The following PDE6A variants were observed in gnomAD, a reference collection of about 807,000 sequenced individuals.
PDE6A encodes rod cGMP-specific 3',5'-cyclic phosphodiesterase subunit alpha.
In PDE6A, 84 loss-of-function variants were observed where a neutral mutation model predicts 106.3. The observed-to-expected ratio is 0.79, with a 90% CI of 0.66 to 0.95. The LOEUF is 0.95. Ranked by LOEUF, PDE6A falls within the 40% of genes least tolerant of loss-of-function variation. The pLI is 0.00. For synonymous variants in PDE6A, 394 were observed against 386.6 expected (o/e 1.02, Z -0.23); for missense variants, 1,052 against 1,084.9 (o/e 0.97, Z 0.43).
chr5:149,890,474 A>ATT (rs1491481158), intron 13 of PDE6A, among the ~76,000 whole-genome samples: 1 of 152,194 alleles, frequency 6.6e-6, no homozygotes, highest in African/African-American at 2.4e-5. Context: ...TGTGTTATTA[A>ATT]TATGTGTTTC....
In PDE6A at chr5:149,886,829, T is replaced by C. The variant is rs190259206; in HGVS notation, c.1729-455A>G. ...AGCACAGCCTGGAGGAATCCTTCCC[T>C]GGGATTTTGCCAGACACTTAACTCC... On this transcript the variant is annotated intron_variant, in intron 13 of 21. Transcript: ENST00000255266. 6.2e-3 allele frequency among the ~76,000 whole-genome samples: 946 copies of C among 152,332 alleles called. 4 individuals are homozygous for C. The highest frequency in any genetic ancestry group is 0.02 in the Middle Eastern group (6 of 294).
At chr5:149,941,087 A>G (rs746315087) in intron 1 of PDE6A, among the ~76,000 whole-genome samples, 41 of 152,202 alleles carry the variant, frequency 2.7e-4, no homozygotes, top group Non-Finnish European at 4.9e-4. Flanking sequence ...GCCCTGCCGT[A>G]ATGGGACAAA....
At chr5:149,870,877 GAGAAAGAAAGAAAA>G (rs1294875928) in intron 17 of PDE6A, among the ~76,000 whole-genome samples, 1 of 132,912 alleles carries the variant, frequency 7.5e-6, no homozygotes, top group East Asian at 2.0e-4. Context: ...GAGAAAGAAA[GAGAAAGAAAGAAAA>G]AGAAAGAAAG....
At chr5:149,903,719 T>G in intron 7 of PDE6A, 24 bp from the exon 8 acceptor site, 1 of 1,607,426 alleles carries the variant, frequency 6.2e-7, no homozygotes, top group Non-Finnish European at 8.5e-7. Flanking sequence ...AGGGGAATAA[T>G]GAAGGTGTGA....
Position 149,858,403 on chromosome 5 carries a change from G to A in PDE6A, c.*2492C>T, listed in dbSNP as rs548763561. The A allele has an allele frequency of 6.6e-6, 1 of 152,168 alleles. No homozygotes were observed. Among genetic ancestry groups the A allele is most frequent in the Non-Finnish European group, 1.5e-5 (1 of 68,048 alleles). The allele number at this position is 152,168 out of a possible 1,614,324, so 9.4% of individuals were successfully genotyped here. On this transcript the variant is annotated 3_prime_UTR_variant, in exon 22 of 22. Coordinates refer to ENST00000255266, the MANE Select transcript of PDE6A (RefSeq NM_000440.3). ...TGCTGTTTTCAACATCAGTTACTAT[G>A]GTATGAATGCTGATCAGGCCAGTGC...
At chr5:149,923,063 T>C (rs1486350579) in intron 4 of PDE6A, among the ~76,000 whole-genome samples, 3 of 152,246 alleles carry the variant, frequency 2.0e-5, no homozygotes, top group African/African-American at 7.2e-5. Context: ...GTTATTTCTA[T>C]ACTTTACTTC....
rs145432301 is a variant in PDE6A, at chr5:149,887,553, C to G, written c.1729-1179G>C. ...GGCACATACCTGTGGTCTCGGCTAC[C>G]TGGTGTTAGTCCCAACTGCACCATT... On this transcript the variant is annotated intron_variant, in intron 13 of 21. Coordinates refer to ENST00000255266, the MANE Select transcript of PDE6A (RefSeq NM_000440.3). Among the ~76,000 whole-genome samples, 382 of 152,238 alleles carry G rather than the reference C, an allele frequency of 2.5e-3. 3 individuals are homozygous for G. The highest frequency in any genetic ancestry group is 8.8e-3 in the African/African-American group (364 of 41,546).
At chr5:149,924,078 A>G (rs1753809451) in intron 4 of PDE6A, among the ~76,000 whole-genome samples, 1 of 152,192 alleles carries the variant, frequency 6.6e-6, no homozygotes, top group African/African-American at 2.4e-5. Context: ...TTTTAATTCT[A>G]GGCAAAAATA....
At chr5:149,942,245 G>A (rs1310415697) in intron 1 of PDE6A, among the ~76,000 whole-genome samples, 1 of 152,162 alleles carries the variant, frequency 6.6e-6, no homozygotes. Flanking sequence ...TTACAGGTGT[G>A]AGCCATCACA....
intron 6 of PDE6A, among the ~76,000 whole-genome samples, chr5:149,908,528 A>T (rs1753272994): frequency 6.6e-6 from 1 of 152,154 alleles, no homozygotes; most frequent in African/African-American, 2.4e-5. Context: ...GTGGTATCTC[A>T]TCATAGTTTT....
intron 17 of PDE6A, among the ~76,000 whole-genome samples, chr5:149,882,850 G>A (rs1020954464): frequency 7.9e-5 from 12 of 152,144 alleles, no homozygotes; most frequent in African/African-American, 2.7e-4. Flanking sequence ...TTGAGGTCAG[G>A]AGTTTAAAAC....
intron 13 of PDE6A, among the ~76,000 whole-genome samples, chr5:149,891,410 C>G (rs1269795080): frequency 6.6e-6 from 1 of 152,162 alleles, no homozygotes; most frequent in Admixed American, 6.5e-5. Context: ...ATGGAGGTTG[C>G]AGTGAGCCGA....
chr5:149,941,724 T>C (rs1383128363), intron 1 of PDE6A, among the ~76,000 whole-genome samples: 1 of 152,168 alleles, frequency 6.6e-6, no homozygotes, highest in African/African-American at 2.4e-5. Context: ...CCTTCAAAAA[T>C]GTCAGCACCG....
intron 4 of PDE6A, among the ~76,000 whole-genome samples, chr5:149,924,452 A>C (rs245065): frequency 1.3e-5 from 2 of 149,218 alleles, no homozygotes; most frequent in Middle Eastern, 3.5e-3. Flanking sequence ...TAGAAATAGA[A>C]ATATATATAT....
intron 8 of PDE6A, among the ~76,000 whole-genome samples, chr5:149,903,364 T>A (rs559623287): frequency 1.3e-5 from 2 of 149,820 alleles, no homozygotes; most frequent in South Asian, 4.2e-4. Context: ...AATTGTATAA[T>A]GTTGTATTAT....
In PDE6A at chr5:149,896,386, T is replaced by G; in HGVS notation, c.1590A>C (p.Lys530Asn). Residue 530 changes from lysine (K) to asparagine (N), a missense_variant, in exon 12 of 22, where the codon AAA (lysine) becomes AAC (asparagine). Around this residue, in one of 3 missense-constraint regions of PDE6A, gnomAD observed 913 missense variants for 915.2 expected, o/e 1.00. Coordinates refer to ENST00000255266, the MANE Select transcript of PDE6A (RefSeq NM_000440.3). ...GTGGAATGTGAAATTTATCCACCAC[T>G]TTGAGCTCATAATACATCTGTATTC... ...KCGIQMYYELKVVDKFHIPQE... is the reference protein window; with the variant it reads ...KCGIQMYYELNVVDKFHIPQE... 6.2e-7 allele frequency: 1 copy of G among 1,614,098 alleles called. No individual in the cohort carries two copies. The highest frequency in any genetic ancestry group is 8.5e-7 in the Non-Finnish European group (1 of 1,179,924).
chr5:149,934,870 G>T (rs1754139610), intron 1 of PDE6A, 152 bp from the exon 2 acceptor site: 2 of 767,894 alleles, frequency 2.6e-6, no homozygotes, highest in Non-Finnish European at 4.5e-6. Context: ...TGTCATGGAA[G>T]CTTCCAAAAT....
chr5:149,922,847 T>C (rs1397211899), intron 4 of PDE6A, among the ~76,000 whole-genome samples: 1 of 152,228 alleles, frequency 6.6e-6, no homozygotes, highest in Admixed American at 6.5e-5. Flanking sequence ...ACAGGTGCCT[T>C]AGCCTGAGGC....
intron 3 of PDE6A, 96 bp downstream of exon 3, chr5:149,933,834 A>T: frequency 2.4e-6 from 2 of 848,964 alleles, no homozygotes; most frequent in Non-Finnish European, 3.9e-6. Flanking sequence ...CTGGCTTCCT[A>T]GGCACCTTCA....
Sources: allele counts gnomAD v4.1 joint callset (sites outside exome capture counted in the v4.1 genomes callset), GRCh38; gene constraint gnomAD v4.1.1; regional missense constraint gnomAD v4.1.1; transcripts MANE v1.5; gene names NCBI Gene and HGNC (gene_info 2026-07-23, HGNC 2026-07-21).